The following TWF1 variants were observed in gnomAD, a reference collection of about 807,000 sequenced individuals.
TWF1 encodes the protein twinfilin-1.
A neutral mutation model predicts 47.9 loss-of-function variants in TWF1; 14 were observed. The observed-to-expected ratio is 0.29, with a 90% confidence interval of 0.19 to 0.46. The LOEUF is 0.46. TWF1 is among the 20% of genes least tolerant of loss of function. The pLI is 1.00. For synonymous variants in TWF1, 96 were observed against 139.2 expected, an observed-to-expected ratio of 0.69 and a Z score of 2.18; for missense variants, 281 against 409.3, an observed-to-expected ratio of 0.69 and a Z score of 2.70.
intron 2 of TWF1, 76 bp downstream of exon 2, chr12:43,804,419 G>T: frequency 1.1e-6 from 1 of 907,376 alleles, no homozygotes; most frequent in South Asian, 1.5e-5. Flanking sequence ...TCAAATCACT[G>T]ACAACACACA....
At chr12:43,800,234 AAT>A (rs1204033747) in intron 4 of TWF1, among the ~76,000 whole-genome samples, 199 bp downstream of exon 4, 1 of 152,198 alleles carries the variant, frequency 6.6e-6, no homozygotes, top group Non-Finnish European at 1.5e-5. Context: ...ATCACTTGTC[AAT>A]GTCAAATAGA....
chr12:43,795,054 T>G lies in TWF1; in HGVS notation c.*531A>C, dbSNP rs1380187355. ...AAAAAAGTCAAATATAAAAGACTGC[T>G]GCAATATAAAGCACTATTTCTAAAA... On this transcript the variant is annotated 3_prime_UTR_variant, in exon 9 of 9. Transcript: ENST00000395510. 6.6e-6 allele frequency: 1 copy of G among 152,216 alleles called. No homozygotes were observed. The highest frequency in any genetic ancestry group is 1.5e-5 in the Non-Finnish European group (1 of 68,046). The allele number at this position is 152,216 out of a possible 1,614,324, so 9.4% of individuals were successfully genotyped here. A position where few individuals can be genotyped will look rare whatever the true frequency, so the allele number is the denominator to read the frequency against.
chr12:43,802,476 T>A lies in TWF1; in HGVS notation c.104-12A>T, dbSNP rs1290393736. 1 of 1,593,428 alleles carries A rather than the reference T, an allele frequency of 6.3e-7. No individual in the cohort carries two copies. Among genetic ancestry groups the A allele is most frequent in the East Asian group, 2.3e-5 (1 of 43,974 alleles). The stretch of plus-strand genomic sequence containing the variant: ...AATCACAAGTTGCTCTATGAAAAAT[T>A]ATTTTTAGAAAGATAGGTAAATGGT... On this transcript the variant is annotated splice_polypyrimidine_tract_variant and intron_variant, in intron 2 of 8. Coordinates refer to ENST00000395510, the MANE Select transcript of TWF1 (RefSeq NM_002822.5).
In TWF1 at chr12:43,797,723, G is replaced by A. The variant is rs981908155; in HGVS notation, c.594C>T (p.Leu198=). ...QALEKLNNRQ[L]NYVQLEIDIK... ...CATCTCTTACCAACTGCACATAGTT[G>A]AGCTGTCTATTATTCAATTTTTCCA... is the stretch of plus-strand genomic sequence containing the variant. Residue 198 remains leucine (L), a synonymous_variant, in exon 6 of 9, where the codon CTC becomes CTT. Coordinates refer to ENST00000395510, the MANE Select transcript of TWF1 (RefSeq NM_002822.5). 1 of 1,612,174 alleles carries A rather than the reference G, an allele frequency of 6.2e-7. No homozygotes were observed. Among genetic ancestry groups the A allele is most frequent in the Non-Finnish European group, 8.5e-7 (1 of 1,179,504 alleles).
intron 5 of TWF1, chr12:43,798,620 G>A (rs1478500913): frequency 2.9e-5 from 41 of 1,426,570 alleles, no homozygotes; most frequent in Middle Eastern, 1.8e-4. Flanking sequence ...TATCAAACTC[G>A]TAAAAAAAAA....
chr12:43,805,412 T>A (rs1465826337), intron 1 of TWF1: 2 of 380,678 alleles, frequency 5.3e-6, no homozygotes, highest in Non-Finnish European at 1.1e-5. Context: ...TAAGTGTTCA[T>A]CTGGGAGAAA....
rs1300465478 is a variant in TWF1 at position 43,806,286 on chromosome 12, C to A, written c.-41G>T. On this transcript the variant is annotated 5_prime_UTR_variant, in exon 1 of 9. Coordinates refer to ENST00000395510, the MANE Select transcript of TWF1 (RefSeq NM_002822.5). Reference sequence around the variant, plus strand: ...CTCCCGGCTCCGGCGCTGAGTGCAGCCAGCGGCCCCGGCCGGCGGCCCCAG... The same window carrying A: ...CTCCCGGCTCCGGCGCTGAGTGCAGACAGCGGCCCCGGCCGGCGGCCCCAG... 6.9e-7 allele frequency: 1 copy of A among 1,456,796 alleles called. No individual in the cohort carries two copies. The highest frequency in any genetic ancestry group is 2.4e-5 in the Admixed American group (1 of 42,406). The allele number at this position is 1,456,796 out of a possible 1,614,324, so 90.2% of individuals were successfully genotyped here.
chr12:43,803,666 A>AT (rs1942703418), intron 2 of TWF1, among the ~76,000 whole-genome samples: 1 of 152,082 alleles, frequency 6.6e-6, no homozygotes. Flanking sequence ...TTAGCTCAGT[A>AT]TTTTTAAAAT....
chr12:43,800,655 C>G lies in TWF1; in HGVS notation c.283-125G>C, dbSNP rs112352208. 1.8e-4 allele frequency: 117 copies of G among 646,938 alleles called. No homozygotes were observed. The Middle Eastern group carries it at 2.3e-3, about 13-fold the overall frequency. 40.1% of individuals were successfully genotyped at this position (646,938 alleles called of 1,614,324 possible). A position where few individuals can be genotyped will look rare whatever the true frequency, so the allele number is the denominator to read the frequency against. On this transcript the variant is annotated intron_variant, in intron 3 of 8. Transcript: ENST00000395510. ...ACAAAACTGAGCTGAAGTCCACCCA[C>G]TATAATATGCTAAAATACGTGTGTA...
At chr12:43,802,639 A>T (rs1942683315) in intron 2 of TWF1, among the ~76,000 whole-genome samples, 175 bp from the exon 3 acceptor site, 1 of 152,236 alleles carries the variant, frequency 6.6e-6, no homozygotes, top group Non-Finnish European at 1.5e-5. Context: ...GAGTATTATA[A>T]AAACTGTTAA....
intron 3 of TWF1, among the ~76,000 whole-genome samples, chr12:43,801,003 C>T (rs537024593): frequency 6.6e-6 from 1 of 152,138 alleles, no homozygotes; most frequent in South Asian, 2.1e-4. Context: ...CCACTCGCCT[C>T]GGCTTCCCAA....
At chr12:43,796,689 C>A (rs543247312) in intron 8 of TWF1, among the ~76,000 whole-genome samples, 1 of 152,016 alleles carries the variant, frequency 6.6e-6, no homozygotes, top group Non-Finnish European at 1.5e-5. Context: ...CCAGTAGCCA[C>A]ATTTAGCTAA....
chr12:43,798,664 A>G (rs997572001), intron 5 of TWF1: 1 of 1,377,106 alleles, frequency 7.3e-7, no homozygotes, highest in African/African-American at 1.5e-5. Flanking sequence ...CTCAAATAAT[A>G]TGAATTAAAA....
rs555427981 is a variant in TWF1 at position 43,794,913 on chromosome 12, T to C, written c.*672A>G. On this transcript the variant is annotated 3_prime_UTR_variant, in exon 9 of 9. Transcript: ENST00000395510. Reference sequence around the variant, plus strand: ...TTGGCCTCACAGAGCATTAGAAAGATAATTTACTAAGGCTGTTTAAAGTCT... The same window carrying C: ...TTGGCCTCACAGAGCATTAGAAAGACAATTTACTAAGGCTGTTTAAAGTCT... 2 of 152,304 alleles carry C rather than the reference T, an allele frequency of 1.3e-5. No homozygotes were observed. Among genetic ancestry groups the C allele is most frequent in the African/African-American group, 4.8e-5 (2 of 41,564 alleles). 9.4% of individuals were successfully genotyped at this position (152,304 alleles called of 1,614,324 possible).
intron 5 of TWF1, among the ~76,000 whole-genome samples, 160 bp downstream of exon 5, chr12:43,799,238 G>A (rs1469731924): frequency 6.6e-6 from 1 of 151,318 alleles, no homozygotes; most frequent in African/African-American, 2.4e-5. Context: ...TTTTTTTTCT[G>A]AAAAGGCATT....
intron 5 of TWF1, among the ~76,000 whole-genome samples, 190 bp from the exon 6 acceptor site, chr12:43,798,023 G>A (rs534411387): frequency 1.8e-4 from 27 of 152,150 alleles, no homozygotes; most frequent in African/African-American, 6.0e-4. Context: ...ACATCTTTAC[G>A]ACAATGTTGG....
intron 4 of TWF1, 93 bp downstream of exon 4, chr12:43,800,342 T>G: frequency 1.2e-6 from 1 of 808,794 alleles, no homozygotes. Context: ...TTTCAGATTA[T>G]CCATCTGAAT....
intron 1 of TWF1, chr12:43,805,451 T>A (rs1250269255): frequency 2.3e-6 from 1 of 432,262 alleles, no homozygotes; most frequent in Non-Finnish European, 4.7e-6. Flanking sequence ...AGAGCTTGAG[T>A]TTACACTAGA....
chr12:43,797,725 G>T lies in TWF1; in HGVS notation c.592C>A (p.Leu198Ile). 4 of 1,612,292 alleles carry T rather than the reference G, an allele frequency of 2.5e-6. No individual in the cohort carries two copies. Among genetic ancestry groups the T allele is most frequent in the Non-Finnish European group, 3.4e-6 (4 of 1,179,500 alleles). The change falls in exon 6 of 9, where the codon CTC becomes ATC. Residue 198 changes from leucine (L) to isoleucine (I), a missense_variant. Leu to Ile is a conservative substitution (Grantham distance 5). Transcript: ENST00000395510. The part of the protein sequence containing the change: ...QALEKLNNRQ[L>I]NYVQLEIDIK... ...TCTCTTACCAACTGCACATAGTTGA[G>T]CTGTCTATTATTCAATTTTTCCAAA...
Sources: gnomAD v4.1 joint callset for allele counts (sites outside exome capture counted in the v4.1 genomes callset) on GRCh38, gnomAD v4.1.1 for gene constraint, MANE v1.5 for transcripts, NCBI Gene and HGNC (gene_info 2026-07-23, HGNC 2026-07-21) for gene names.